The following YWHAZ variants were observed in gnomAD, a reference collection of about 807,000 sequenced individuals.
YWHAZ encodes the protein tyrosine 3-monooxygenase/tryptophan 5-monooxygenase activation protein zeta.
For missense variants in YWHAZ, 79 were observed against 284.8 expected (o/e 0.28, Z 5.20); for synonymous variants, 87 against 103.6 (o/e 0.84, Z 0.97).
chr8:100,935,079 C>T (rs1814049147), intron 2 of YWHAZ: 1 of 151,994 alleles, frequency 6.6e-6, no homozygotes, highest in Non-Finnish European at 1.5e-5. Flanking sequence ...CTTGAATGAA[C>T]CCGGGAGGCA....
rs1812723694 is a variant in YWHAZ at position 100,916,561 on chromosome 8, C to A, written c.*4132G>T. 1 of 152,200 alleles carries A rather than the reference C, an allele frequency of 6.6e-6. No individual in the cohort carries two copies. Among genetic ancestry groups the A allele is most frequent in the Non-Finnish European group, 1.5e-5 (1 of 68,038 alleles). The allele number at this position is 152,200 out of a possible 1,614,324, so 9.4% of individuals were successfully genotyped here. ...CATCCAATGTTAGAAAATGTAAGCA[C>A]AAACTGAAAATTCATAGGGTTTTAA... is the stretch of plus-strand genomic sequence containing the variant. On this transcript the variant is annotated 3_prime_UTR_variant, in exon 6 of 6. Transcript: ENST00000395958.
chr8:100,918,430 AT>A lies in YWHAZ; in HGVS notation c.*2262del, dbSNP rs1812807846. On this transcript the variant is annotated 3_prime_UTR_variant, in exon 6 of 6. Transcript: ENST00000395958. ...ACTTTATATATATATATATATATAT[AT>A]ATATATATATATAATTATTTTACCT... The A allele has an allele frequency of 3.1e-5, 3 of 96,942 alleles. No individual in the cohort carries two copies. The highest frequency in any genetic ancestry group is 4.4e-5 in the Non-Finnish European group (2 of 45,316). The allele number at this position is 96,942 out of a possible 1,614,324, so 6.0% of individuals were successfully genotyped here. A position where few individuals can be genotyped will look rare whatever the true frequency, so the allele number is the denominator to read the frequency against.
chr8:100,951,770 G>A (rs1810807155), intron 1 of YWHAZ, 159 bp downstream of exon 1: 1 of 985,258 alleles, frequency 1.0e-6, no homozygotes, highest in Non-Finnish European at 1.2e-6. Flanking sequence ...CAGCGGAAGA[G>A]GAGCCGCCGC....
chr8:100,945,714 A>G (rs1036426061), intron 2 of YWHAZ, among the ~76,000 whole-genome samples: 13 of 152,274 alleles, frequency 8.5e-5, no homozygotes, highest in Admixed American at 2.6e-4. Flanking sequence ...ATTTTATGCA[A>G]TATGTTTCCA....
Position 100,924,859 on chromosome 8 carries a change from T to C in YWHAZ, c.418+57A>G. ...AAGACATTATGTACGCTTCAGAGAC[T>C]CTTCCTCACTATGTTATCTTATACA... On this transcript the variant is annotated intron_variant, in intron 3 of 5. Coordinates refer to ENST00000395958, the MANE Select transcript of YWHAZ (RefSeq NM_145690.3). The surrounding 1 kb of genome is among the most constrained non-coding windows in gnomAD (Gnocchi z 5.7). The C allele has an allele frequency of 6.2e-7, 1 of 1,604,642 alleles. No homozygotes were observed. Among genetic ancestry groups the C allele is most frequent in the African/African-American group, 1.3e-5 (1 of 74,636 alleles).
intron 2 of YWHAZ, among the ~76,000 whole-genome samples, chr8:100,936,150 C>A (rs1394696888): frequency 6.6e-6 from 1 of 152,096 alleles, no homozygotes; most frequent in African/African-American, 2.4e-5. Context: ...AAGAAGCCAA[C>A]TAATGAAAAT....
At chr8:100,952,825 C>T, upstream of YWHAZ, 1 of 1,000,584 alleles carries the variant, frequency 1.0e-6, no homozygotes, top group Non-Finnish European at 1.2e-6. Flanking sequence ...CCCTCCCGGC[C>T]TCCCTCCCGC....
At chr8:100,938,114 G>C (rs1228477036) in intron 2 of YWHAZ, among the ~76,000 whole-genome samples, 1 of 152,098 alleles carries the variant, frequency 6.6e-6, no homozygotes, top group Non-Finnish European at 1.5e-5. Flanking sequence ...TGGGCAACAA[G>C]AGTCAAACTC....
chr8:100,952,872 C>T, upstream of YWHAZ: 1 of 1,000,480 alleles, frequency 1.0e-6, no homozygotes, highest in South Asian at 4.7e-5. Flanking sequence ...GGGAAGCGGT[C>T]CTAGACCTTT....
At chr8:100,952,182 G>A (rs887504811), upstream of YWHAZ, 15 of 983,352 alleles carry the variant, frequency 1.5e-5, no homozygotes, top group Non-Finnish European at 1.8e-5. Flanking sequence ...CGTAACCGCC[G>A]CTCCCCGGCG....
Position 100,918,615 on chromosome 8 carries a change from A to C in YWHAZ, c.*2078T>G, listed in dbSNP as rs1264126029. The stretch of plus-strand genomic sequence containing the variant: ...TTATTTGAATGTAATATTTGGGACA[A>C]TTATTCAAAAGGGCCAATATTTCCC... On this transcript the variant is annotated 3_prime_UTR_variant, in exon 6 of 6. Coordinates refer to ENST00000395958, the MANE Select transcript of YWHAZ (RefSeq NM_145690.3). 6.6e-6 allele frequency: 1 copy of C among 151,356 alleles called. No homozygotes were observed. Among genetic ancestry groups the C allele is most frequent in the Non-Finnish European group, 1.5e-5 (1 of 67,864 alleles). The allele number at this position is 151,356 out of a possible 1,614,324, so 9.4% of individuals were successfully genotyped here.
chr8:100,951,087 TCCCCCA>T, intron 1 of YWHAZ: 4 of 404,358 alleles, frequency 9.9e-6, no homozygotes, highest in Non-Finnish European at 1.2e-5. Flanking sequence ...GTCAGACCCA[TCCCCCA>T]CCCCCACCAG....
intron 2 of YWHAZ, among the ~76,000 whole-genome samples, chr8:100,944,249 C>T (rs570640345): frequency 1.4e-4 from 22 of 151,976 alleles, no homozygotes; most frequent in Non-Finnish European, 2.1e-4. Flanking sequence ...TTTTTAAAGC[C>T]CAAGGCACGT....
At position 100,917,221 on chromosome 8, in the gene YWHAZ, CAT is replaced by C. The variant is rs967109633; in HGVS notation, c.*3470_*3471del. 2 of 152,152 alleles carry C rather than the reference CAT, an allele frequency of 1.3e-5. No individual in the cohort carries two copies. Among genetic ancestry groups the C allele is most frequent in the Non-Finnish European group, 2.9e-5 (2 of 68,022 alleles). The allele number at this position is 152,152 out of a possible 1,614,324, so 9.4% of individuals were successfully genotyped here. On this transcript the variant is annotated 3_prime_UTR_variant, in exon 6 of 6. Coordinates refer to ENST00000395958, the MANE Select transcript of YWHAZ (RefSeq NM_145690.3). ...ACTGGTGACTCTTTTGCAGGAAAAA[CAT>C]AATAAACAAATTGAGCCCCAAAATT...
Position 100,924,432 on chromosome 8 carries a change from G to A in YWHAZ, c.419-134C>T. The A allele has an allele frequency of 1.1e-6, 1 of 912,418 alleles. No individual in the cohort carries two copies. The highest frequency in any genetic ancestry group is 2.1e-5 in the South Asian group (1 of 47,846). 56.5% of individuals were successfully genotyped at this position (912,418 alleles called of 1,614,324 possible). A position where few individuals can be genotyped will look rare whatever the true frequency, so the allele number is the denominator to read the frequency against. On this transcript the variant is annotated intron_variant, in intron 3 of 5. Transcript: ENST00000395958. This position sits in a 1 kb window ranked among gnomAD's most constrained non-coding sequence, Gnocchi z 5.7. Reference sequence around the variant, plus strand: ...AGCTTAATATTTGTTAATTGAACAAGGTCCTTTTTTTTTTTTAAAGGGAGC... The same window carrying A: ...AGCTTAATATTTGTTAATTGAACAAAGTCCTTTTTTTTTTTTAAAGGGAGC...
At chr8:100,937,110 A>G (rs1337924880) in intron 2 of YWHAZ, among the ~76,000 whole-genome samples, 1 of 152,158 alleles carries the variant, frequency 6.6e-6, no homozygotes, top group Non-Finnish European at 1.5e-5. Flanking sequence ...TAATAATTAT[A>G]CTGTAGTTAT....
Position 100,918,441 on chromosome 8 carries a change from T to TATATATATATATATATATATATAA in YWHAZ, c.*2251_*2252insTTATATATATATATATATATATAT, listed in dbSNP as rs1563661969. The stretch of plus-strand genomic sequence containing the variant: ...ATATATATATATATATATATATATA[T>TATATATATATATATATATATATAA]ATAATTATTTTACCTCCTTGGCTTG... On this transcript the variant is annotated 3_prime_UTR_variant, in exon 6 of 6. Transcript: ENST00000395958. 3 of 120,820 alleles carry TATATATATATATATATATATATAA rather than the reference T, an allele frequency of 2.5e-5. 1 individual carries two copies. 7.5% of individuals were successfully genotyped at this position (120,820 alleles called of 1,614,324 possible).
intron 2 of YWHAZ, among the ~76,000 whole-genome samples, chr8:100,947,164 G>A (rs1467542684): frequency 6.6e-6 from 1 of 150,508 alleles, no homozygotes; most frequent in Non-Finnish European, 1.5e-5. Flanking sequence ...TGAGGCAGGA[G>A]AATGGCGTGA....
At chr8:100,938,111 CAA>C (rs747622577) in intron 2 of YWHAZ, among the ~76,000 whole-genome samples, 1 of 152,158 alleles carries the variant, frequency 6.6e-6, no homozygotes, top group Non-Finnish European at 1.5e-5. Context: ...GCCTGGGCAA[CAA>C]GAGTCAAACT....
Sources: allele counts gnomAD v4.1 joint callset (sites outside exome capture counted in the v4.1 genomes callset), GRCh38; gene constraint gnomAD v4.1.1; non-coding constraint Gnocchi (gnomAD v3.1); transcripts MANE v1.5; gene names NCBI Gene and HGNC (gene_info 2026-07-23, HGNC 2026-07-21).